The following PTPN4 variants were observed in gnomAD, a reference collection of about 807,000 sequenced individuals.
PTPN4 encodes the protein protein tyrosine phosphatase non-receptor type 4.
Under a neutral mutation model 135.5 loss-of-function variants are expected in PTPN4, and 49 were observed. The ratio of observed to expected loss-of-function variants is 0.36; its 90% CI spans 0.29 to 0.46. PTPN4 has a LOEUF of 0.46. Among genes scored for constraint, PTPN4 ranks in the 20% least tolerant of loss-of-function variants. The probability of loss-of-function intolerance (pLI) is 1.00; values close to 1 mark genes in which losing one functional copy is unlikely to be tolerated. For synonymous variants in PTPN4, 333 were observed against 369.9 expected (o/e 0.90, Z 1.14); for missense variants, 860 against 1,101.0 (o/e 0.78, Z 3.10).
intron 1 of PTPN4, among the ~76,000 whole-genome samples, chr2:119,806,924 T>A (rs1177699851): frequency 6.6e-6 from 1 of 152,116 alleles, no homozygotes; most frequent in Non-Finnish European, 1.5e-5. Context: ...ATTAAGAAAC[T>A]CACACAAAAC....
At chr2:119,783,432 G>A (rs1370772457) in intron 1 of PTPN4, among the ~76,000 whole-genome samples, 5 of 152,210 alleles carry the variant, frequency 3.3e-5, no homozygotes, top group Admixed American at 6.5e-5. Flanking sequence ...AAGTGTTGAG[G>A]TGGAGATTGC....
chr2:119,898,119 T>A (rs1270315124), intron 9 of PTPN4, among the ~76,000 whole-genome samples: 2 of 152,172 alleles, frequency 1.3e-5, no homozygotes, highest in African/African-American at 4.8e-5. Flanking sequence ...CTTTTCCACA[T>A]GTAGTTTGAA....
At chr2:119,821,563 T>G (rs1488504619) in intron 2 of PTPN4, among the ~76,000 whole-genome samples, 1 of 152,224 alleles carries the variant, frequency 6.6e-6, no homozygotes, top group Non-Finnish European at 1.5e-5. Flanking sequence ...GTTTTGGCTT[T>G]CTTTTGCAAT....
chr2:119,912,664 T>C (rs1446602646), intron 10 of PTPN4, among the ~76,000 whole-genome samples: 1 of 152,210 alleles, frequency 6.6e-6, no homozygotes, highest in Admixed American at 6.5e-5. Flanking sequence ...ATCGAAACTG[T>C]AAATATGTTG....
intron 15 of PTPN4, among the ~76,000 whole-genome samples, chr2:119,942,588 A>G (rs1057393907): frequency 6.6e-6 from 1 of 152,208 alleles, no homozygotes; most frequent in Non-Finnish European, 1.5e-5. Flanking sequence ...TGCAAAGCAG[A>G]AAGAGTTTCT....
intron 11 of PTPN4, among the ~76,000 whole-genome samples, chr2:119,917,602 C>T (rs1470096367): frequency 6.6e-6 from 1 of 152,062 alleles, no homozygotes; most frequent in African/African-American, 2.4e-5. Context: ...TGGTGGCACA[C>T]ACCTGTATTT....
At position 119,760,055 on chromosome 2, in the gene PTPN4, CT is replaced by C; in HGVS notation, c.-344del. On this transcript the variant is annotated 5_prime_UTR_variant, in exon 1 of 27. Transcript: ENST00000263708. ...TGAGCGGGAGAGGAAAGAGACTTGG[CT>C]TTGGCCGCGGGGTCGGAGGATTGGG... 2.6e-6 allele frequency: 1 copy of C among 383,820 alleles called. No individual in the cohort carries two copies. The highest frequency in any genetic ancestry group is 3.7e-5 in the East Asian group (1 of 26,746). 23.8% of individuals were successfully genotyped at this position (383,820 alleles called of 1,614,324 possible).
chr2:119,925,118 G>C lies in PTPN4; in HGVS notation c.1002-1480G>C, dbSNP rs931766317. On this transcript the variant is annotated intron_variant, in intron 12 of 26. Coordinates refer to ENST00000263708, the MANE Select transcript of PTPN4 (RefSeq NM_002830.4). The stretch of plus-strand genomic sequence containing the variant: ...GAAAAATCAGTCTGCATCTTGCAGA[G>C]AAGTACTGCTTTAATCAAGGATGGG... 2.6e-5 allele frequency among the ~76,000 whole-genome samples: 4 copies of C among 152,092 alleles called. No homozygotes were observed. The East Asian group carries it at 5.8e-4, about 22-fold the overall frequency.
At chr2:119,944,569 G>C (rs1679106401) in intron 15 of PTPN4, among the ~76,000 whole-genome samples, 1 of 151,964 alleles carries the variant, frequency 6.6e-6, no homozygotes, top group Admixed American at 6.6e-5. Context: ...ACCAGTTTTG[G>C]CTCTGGTGAT....
chr2:119,950,204 T>C (rs1679192905), intron 18 of PTPN4, among the ~76,000 whole-genome samples: 1 of 152,152 alleles, frequency 6.6e-6, no homozygotes. Context: ...CCCAGTACCA[T>C]TGGCTCCCAA....
chr2:119,778,741 T>C (rs1025544675), intron 1 of PTPN4, among the ~76,000 whole-genome samples: 7 of 152,210 alleles, frequency 4.6e-5, no homozygotes, highest in African/African-American at 1.7e-4. Flanking sequence ...ATAGTTAATA[T>C]AAAATCTATT....
intron 1 of PTPN4, among the ~76,000 whole-genome samples, chr2:119,797,738 G>A (rs186018335): frequency 5.3e-4 from 80 of 152,096 alleles, no homozygotes; most frequent in Admixed American, 3.5e-3. Context: ...TGACCTTTGA[G>A]GTTAAAACAA....
intron 19 of PTPN4, among the ~76,000 whole-genome samples, chr2:119,953,887 A>G (rs1178272181): frequency 6.6e-6 from 1 of 152,136 alleles, no homozygotes; most frequent in Non-Finnish European, 1.5e-5. Flanking sequence ...GCCTTTTTAC[A>G]ATTCCAGATC....
intron 1 of PTPN4, among the ~76,000 whole-genome samples, chr2:119,806,226 C>T (rs1574343853): frequency 6.6e-6 from 1 of 152,128 alleles, no homozygotes; most frequent in African/African-American, 2.4e-5. Flanking sequence ...TCACATATAA[C>T]AATATTAACC....
intron 3 of PTPN4, among the ~76,000 whole-genome samples, chr2:119,869,296 G>C (rs1410196570): frequency 6.6e-6 from 1 of 152,194 alleles, no homozygotes; most frequent in African/African-American, 2.4e-5. Flanking sequence ...TATCTTGATT[G>C]TGGATGGTGG....
intron 15 of PTPN4, 66 bp downstream of exon 15, chr2:119,935,024 A>T (rs1678961548): frequency 6.8e-7 from 1 of 1,470,848 alleles, no homozygotes. Context: ...ACTTAAAATA[A>T]TCTGGGAAAT....
chr2:119,955,418 T>C, intron 20 of PTPN4, 95 bp downstream of exon 20: 1 of 1,022,352 alleles, frequency 9.8e-7, no homozygotes, highest in Non-Finnish European at 1.3e-6. Flanking sequence ...TTATAATTTC[T>C]AAACTAAAAT....
intron 1 of PTPN4, among the ~76,000 whole-genome samples, chr2:119,764,148 T>A (rs1690564730): frequency 6.6e-6 from 1 of 152,236 alleles, no homozygotes; most frequent in Non-Finnish European, 1.5e-5. Context: ...TTTCTCTTTT[T>A]GAGAAGCGTA....
At chr2:119,819,124 C>A (rs1267670574) in intron 2 of PTPN4, among the ~76,000 whole-genome samples, 1 of 152,164 alleles carries the variant, frequency 6.6e-6, no homozygotes, top group Non-Finnish European at 1.5e-5. Context: ...TTTTAGTTTT[C>A]TTATCCTAGC....
Sources: gnomAD v4.1 joint callset for allele counts (sites outside exome capture counted in the v4.1 genomes callset) on GRCh38, gnomAD v4.1.1 for gene constraint, MANE v1.5 for transcripts, NCBI Gene and HGNC (gene_info 2026-07-23, HGNC 2026-07-21) for gene names.